The following SVEP1 variants were observed in gnomAD, a reference collection of about 807,000 sequenced individuals.
SVEP1 encodes sushi, von Willebrand factor type A, EGF and pentraxin domain containing 1, also known as sushi, von Willebrand factor type A, EGF and pentraxin domain-containing protein 1.
SVEP1 carries 164 observed loss-of-function variants against 367.3 expected under a neutral mutation model. The observed-to-expected ratio is 0.45, with a 90% CI of 0.39 to 0.51. The LOEUF (loss-of-function observed/expected upper bound fraction) is 0.51. Among genes scored for constraint, SVEP1 ranks in the 20% least tolerant of loss-of-function variants. The pLI is 0.00. For missense variants in SVEP1, 4,117 were observed against 4,425.3 expected, an observed-to-expected ratio of 0.93 and a Z score of 1.98; for synonymous variants, 1,666 against 1,611.6, an observed-to-expected ratio of 1.03 and a Z score of -0.81.
At chr9:110,434,683 A>AAAAAAAAAAAAAAAAC (rs1828406499) in intron 29 of SVEP1, among the ~76,000 whole-genome samples, 177 bp from the exon 30 acceptor site, 1 of 150,586 alleles carries the variant, frequency 6.6e-6, no homozygotes, top group Non-Finnish European at 1.5e-5. Flanking sequence ...AAAAAAAAAA[A>AAAAAAAAAAAAAAAAC]AAAGCATTTA....
In SVEP1 at chr9:110,408,337, G is replaced by C; in HGVS notation, c.7263C>G (p.Leu2421=). ...GFFLRGNSTT[L]CQPDGTWSSP... is the part of the protein sequence containing the mutation. ...AGCTCCAGGTGCCATCAGGTTGGCA[G>C]AGGGTGGTAGAATTTCCTCTTAGGA... The change falls in exon 38 of 48, where the codon CTC becomes CTG. Residue 2421 remains leucine, a synonymous_variant. Transcript: ENST00000374469. 6.2e-7 allele frequency: 1 copy of C among 1,613,948 alleles called. No individual in the cohort carries two copies. The highest frequency in any genetic ancestry group is 8.5e-7 in the Non-Finnish European group (1 of 1,179,878).
intron 9 of SVEP1, among the ~76,000 whole-genome samples, chr9:110,486,707 G>T (rs933394281): frequency 6.6e-6 from 1 of 150,790 alleles, no homozygotes; most frequent in East Asian, 1.9e-4. Context: ...GAGTGCAGTG[G>T]CATGATCTTG....
chr9:110,427,608 A>C lies in SVEP1; in HGVS notation c.5958T>G (p.Thr1986=), dbSNP rs781782475. The part of the protein sequence containing the change: ...GNNFTFRNTV[T]YTCKEGYTLA... ...CTACTCACCCTTCTTTGCAAGTGTA[A>C]GTGACGGTGTTCCTGAAAGTGAAGT... Residue 1986 remains threonine, a synonymous_variant, in exon 36 of 48, where the codon ACT becomes ACG. Coordinates refer to ENST00000374469, the MANE Select transcript of SVEP1 (RefSeq NM_153366.4). 4.3e-6 allele frequency: 7 copies of C among 1,613,574 alleles called. No individual in the cohort carries two copies. In the Middle Eastern group the frequency reaches 9.9e-4, roughly 228 times the overall value.
At chr9:110,524,576 C>G (rs985174635) in intron 3 of SVEP1, among the ~76,000 whole-genome samples, 5 of 151,904 alleles carry the variant, frequency 3.3e-5, no homozygotes, top group Admixed American at 6.6e-5. Context: ...AAGGTCACGT[C>G]AATTGATGAA....
At chr9:110,542,118 A>C (rs2118836586) in intron 3 of SVEP1, among the ~76,000 whole-genome samples, 1 of 152,146 alleles carries the variant, frequency 6.6e-6, no homozygotes, top group Non-Finnish European at 1.5e-5. Flanking sequence ...GTGTTGCGAA[A>C]CATTTTGAAC....
intron 24 of SVEP1, 125 bp from the exon 25 acceptor site, chr9:110,447,182 G>T: frequency 2.3e-6 from 2 of 868,006 alleles, no homozygotes; most frequent in Non-Finnish European, 3.2e-6. Flanking sequence ...CCAAAACAGT[G>T]CTTTAATTGC....
At position 110,411,667 on chromosome 9, in the gene SVEP1, T is replaced by G; in HGVS notation, c.6044A>C (p.Gln2015Pro). The part of the protein sequence containing the change: ...ADGKWSRSDQ[Q>P]CLAVSCDEPP... Reference sequence around the variant, plus strand: ...CTCATCACAGGAGACAGCCAGGCACTGCTGGTCACTTCTACTCCACTTGCC... The same window carrying G: ...CTCATCACAGGAGACAGCCAGGCACGGCTGGTCACTTCTACTCCACTTGCC... The change falls in exon 37 of 48, where the codon CAG (glutamine) becomes CCG (proline). Residue 2015 changes from glutamine to proline, a missense_variant. Transcript: ENST00000374469. 1.2e-6 allele frequency: 2 copies of G among 1,606,168 alleles called. No homozygotes were observed. The highest frequency in any genetic ancestry group is 1.7e-6 in the Non-Finnish European group (2 of 1,176,236).
At chr9:110,428,349 G>C (rs1828285349) in intron 35 of SVEP1, among the ~76,000 whole-genome samples, 1 of 150,786 alleles carries the variant, frequency 6.6e-6, no homozygotes, top group Non-Finnish European at 1.5e-5. Context: ...AGATCCTGTT[G>C]ATCATGTTTC....
rs780296301 is a variant in SVEP1 at position 110,427,582 on chromosome 9, C to G, written c.5975+9G>C. On this transcript the variant is annotated intron_variant, in intron 36 of 47. Transcript: ENST00000374469. ...CTCAATGATCCTTTCCTTCACAGGC[C>G]CTACTCACCCTTCTTTGCAAGTGTA... is the stretch of plus-strand genomic sequence containing the variant. 6.2e-7 allele frequency: 1 copy of G among 1,610,822 alleles called. No homozygotes were observed. The highest frequency in any genetic ancestry group is 8.5e-7 in the Non-Finnish European group (1 of 1,178,240).
chr9:110,579,155 T>C lies in SVEP1; in HGVS notation c.389A>G (p.Lys130Arg). The change falls in exon 1 of 48, where the codon AAG becomes AGG. Residue 130 changes from lysine to arginine, a missense_variant. By Grantham distance (26) the Lys-to-Arg change is conservative (BLOSUM62 2). Coordinates refer to ENST00000374469, the MANE Select transcript of SVEP1 (RefSeq NM_153366.4). This position sits in a 1 kb window ranked among gnomAD's most constrained non-coding sequence, Gnocchi z 5.3. Reference protein sequence around the residue: ...TRVAIVTFSSKNYVVPRVDYI... With the variant: ...TRVAIVTFSSRNYVVPRVDYI... Reference sequence around the variant, plus strand: ...ATCGACGCGCGGCACCACGTAGTTCTTGGACGAGAAGGTCACGATGGCCAC... The same window carrying C: ...ATCGACGCGCGGCACCACGTAGTTCCTGGACGAGAAGGTCACGATGGCCAC... The C allele has an allele frequency of 6.4e-7, 1 of 1,562,178 alleles. No individual in the cohort carries two copies. Among genetic ancestry groups the C allele is most frequent in the Non-Finnish European group, 8.7e-7 (1 of 1,154,028 alleles).
intron 28 of SVEP1, 113 bp from the exon 29 acceptor site, chr9:110,435,477 G>T: frequency 8.0e-7 from 1 of 1,252,572 alleles, no homozygotes; most frequent in Non-Finnish European, 1.1e-6. Context: ...AGATGGGGGT[G>T]GAGGGAAGCA....
At chr9:110,479,992 T>A (rs1481311686) in intron 12 of SVEP1, among the ~76,000 whole-genome samples, 1 of 152,180 alleles carries the variant, frequency 6.6e-6, no homozygotes, top group Admixed American at 6.5e-5. Context: ...GATATATGAT[T>A]CTTTATCTTC....
At chr9:110,372,735 G>C (rs1356148548) in intron 46 of SVEP1, among the ~76,000 whole-genome samples, 1 of 152,132 alleles carries the variant, frequency 6.6e-6, no homozygotes, top group Non-Finnish European at 1.5e-5. Context: ...TTGGGGAGGA[G>C]AAGAGGCTGC....
intron 40 of SVEP1, among the ~76,000 whole-genome samples, chr9:110,394,237 A>T (rs1827720183): frequency 6.6e-6 from 1 of 152,178 alleles, no homozygotes; most frequent in African/African-American, 2.4e-5. Context: ...GCTGATACCC[A>T]GGCAAACAGG....
Position 110,436,501 on chromosome 9 carries a change from C to T in SVEP1, c.4643G>A (p.Gly1548Asp), listed in dbSNP as rs1828432429. ...GLSVGLPIPGGGALVLGQEQD... is the reference protein window; with the variant it reads ...GLSVGLPIPGDGALVLGQEQD... ...CTCTTGCCCCAGAACTAACGCACCA[C>T]CACCTAAGGAGAGAGAAAGAGAAAG... Residue 1548 changes from glycine to aspartate, a missense_variant, in exon 28 of 48, where the codon GGT becomes GAT. This residue lies in a region of SVEP1 where 2,174 missense variants were observed against 2,494.3 expected (regional missense o/e 0.87). Transcript: ENST00000374469. 5 of 1,613,296 alleles carry T rather than the reference C, an allele frequency of 3.1e-6. No individual in the cohort carries two copies. The South Asian group carries it at 3.3e-5, about 11-fold the overall frequency.
chr9:110,499,368 A>G (rs1829497220), intron 6 of SVEP1, 130 bp from the exon 7 acceptor site: 1 of 763,180 alleles, frequency 1.3e-6, no homozygotes, highest in East Asian at 2.7e-5. Context: ...TGATAACTAT[A>G]TATGACATTG....
chr9:110,404,523 T>C lies in SVEP1; in HGVS notation c.9470A>G (p.Asp3157Gly). Residue 3157 changes from aspartate to glycine, a missense_variant, in exon 39 of 48, where the codon GAT becomes GGT. Transcript: ENST00000374469. ...TTTCTGACAGGTGAATGTATCTGTA[T>C]CTGTATCCATCGTATAACCTTCCAG... is the stretch of plus-strand genomic sequence containing the variant. ...RCLEGYTMDT[D>G]TDTFTCQKDG... 1.9e-6 allele frequency: 3 copies of C among 1,614,012 alleles called. No homozygotes were observed. Among genetic ancestry groups the C allele is most frequent in the Non-Finnish European group, 2.5e-6 (3 of 1,179,872 alleles).
At chr9:110,554,731 T>C (rs1188796553) in intron 1 of SVEP1, among the ~76,000 whole-genome samples, 1 of 150,754 alleles carries the variant, frequency 6.6e-6, no homozygotes, top group African/African-American at 2.5e-5. Flanking sequence ...GATGTGCGTG[T>C]GTGTGTGTGT....
At chr9:110,431,893 T>C (rs1449722530) in intron 32 of SVEP1, 22 bp downstream of exon 32, 1 of 1,613,136 alleles carries the variant, frequency 6.2e-7, no homozygotes, top group African/African-American at 1.3e-5. Context: ...TAGGAACTTT[T>C]AGTTCTACAT....
Sources: gnomAD v4.1 joint callset for allele counts (sites outside exome capture counted in the v4.1 genomes callset) on GRCh38, gnomAD v4.1.1 for gene constraint, gnomAD v4.1.1 regional missense constraint, Gnocchi (gnomAD v3.1) non-coding constraint, MANE v1.5 for transcripts, NCBI Gene and HGNC (gene_info 2026-07-23, HGNC 2026-07-21) for gene names.